ZNF723: variants seen among roughly 807,000 people sequenced by gnomAD.
ZNF723 encodes the protein zinc finger protein 723, pseudogene.
Under a neutral mutation model 9.4 loss-of-function variants are expected in ZNF723, and 5 were observed. The observed-to-expected ratio is 0.53, with a 90% CI of 0.28 to 1.12. The LOEUF is 1.12. ZNF723 is among the 50% of genes most tolerant of loss of function. The probability of loss-of-function intolerance (pLI) is 0.10; values close to 1 mark genes in which losing one functional copy is unlikely to be tolerated. For missense variants in ZNF723, 450 were observed against 501.5 expected (o/e 0.90, Z 0.98); for synonymous variants, 158 against 168.8 (o/e 0.94, Z 0.49).
chr19:22,841,183 T>C (rs888392998), intron 1 of ZNF723, among the ~76,000 whole-genome samples: 4 of 152,248 alleles, frequency 2.6e-5, no homozygotes, highest in African/African-American at 7.2e-5. Flanking sequence ...AGTGGGAGCC[T>C]ACCTTCAGCA....
In ZNF723 at chr19:22,858,427, G is replaced by T; in HGVS notation, c.1536G>T (p.Lys512Asn). ...IHTKEKSQTL[K>N]M The stretch of plus-strand genomic sequence containing the variant: ...CTAAAGAGAAATCACAAACCTTAAA[G>T]ATGTGACAATGCTTTTTATGAAATC... The change falls in exon 4 of 4, where the codon AAG (lysine) becomes AAT (asparagine). Residue 512 changes from lysine to asparagine, a missense_variant. Lys to Asn is a moderately conservative substitution (Grantham distance 94). Coordinates refer to ENST00000600766, the MANE Select transcript of ZNF723 (RefSeq NM_001349726.2). The T allele has an allele frequency of 2.9e-6, 2 of 694,530 alleles. No homozygotes were observed. The highest frequency in any genetic ancestry group is 4.9e-6 in the Non-Finnish European group (2 of 411,774). The allele number at this position is 694,530 out of a possible 1,614,324, so 43.0% of individuals were successfully genotyped here.
At chr19:22,813,257 T>C in the ZNF723 span, among the ~76,000 whole-genome samples, 1 of 152,190 alleles carries the variant, frequency 6.6e-6, no homozygotes, top group Non-Finnish European at 1.5e-5. Context: ...CTCCAAATTG[T>C]CTTGCAGGTG....
chr19:22,854,259 T>C (rs759683136), intron 3 of ZNF723, among the ~76,000 whole-genome samples: 10 of 152,150 alleles, frequency 6.6e-5, no homozygotes, highest in Non-Finnish European at 1.3e-4. Context: ...ATACATTTTA[T>C]AAAATATGAC....
chr19:22,815,221 TTGGGC>T, the ZNF723 span, among the ~76,000 whole-genome samples: 2 of 152,138 alleles, frequency 1.3e-5, no homozygotes, highest in African/African-American at 4.8e-5. Context: ...TGTCATTCCT[TTGGGC>T]TGGGATGCTC....
chr19:22,813,904 C>G, the ZNF723 span, among the ~76,000 whole-genome samples: 2 of 151,686 alleles, frequency 1.3e-5, no homozygotes, highest in Non-Finnish European at 2.9e-5. Flanking sequence ...CTCCAGCTCC[C>G]AGGTTCAAGC....
the ZNF723 span, among the ~76,000 whole-genome samples, chr19:22,812,451 A>G: frequency 6.6e-6 from 1 of 152,184 alleles, no homozygotes; most frequent in African/African-American, 2.4e-5. Flanking sequence ...CCTAGCTCCT[A>G]GGCAGGTGAG....
chr19:22,857,822 A>T lies in ZNF723; in HGVS notation c.931A>T (p.Lys311Ter), dbSNP rs1188484241. Residue 311 changes from lysine to a stop codon, truncating the protein, a stop_gained, in exon 4 of 4, where the codon AAA becomes TAA. Coordinates refer to ENST00000600766, the MANE Select transcript of ZNF723 (RefSeq NM_001349726.2). LOFTEE classifies it low-confidence loss of function (END_TRUNC). The part of the protein sequence containing the change: ...NNHKRIHTGE[K>*]PYKCEECGKA... ...TCATAAGAGAATTCATACTGGAGAGAAACCCTACAAATGTGAAGAATGTGG... is the reference window on the plus strand; with the variant it reads ...TCATAAGAGAATTCATACTGGAGAGTAACCCTACAAATGTGAAGAATGTGG... 7.2e-7 allele frequency: 1 copy of T among 1,392,538 alleles called. No homozygotes were observed. Among genetic ancestry groups the T allele is most frequent in the Admixed American group, 1.7e-5 (1 of 59,748 alleles). 86.3% of individuals were successfully genotyped at this position (1,392,538 alleles called of 1,614,324 possible).
chr19:22,819,361 C>T, the ZNF723 span, among the ~76,000 whole-genome samples: 1 of 152,044 alleles, frequency 6.6e-6, no homozygotes, highest in Non-Finnish European at 1.5e-5. Flanking sequence ...TGGGCCATGC[C>T]CACAAAAGGG....
At chr19:22,848,729 T>TTTTTTTTA (rs1438554768) in intron 2 of ZNF723, among the ~76,000 whole-genome samples, 8 of 143,062 alleles carry the variant, frequency 5.6e-5, no homozygotes, top group African/African-American at 2.1e-4. Flanking sequence ...AGAGAAATTA[T>TTTTTTTTA]TTTATTTATT....
intron 1 of ZNF723, chr19:22,840,768 ATC>A (rs1967233469): frequency 6.6e-6 from 1 of 152,286 alleles, no homozygotes; most frequent in African/African-American, 2.4e-5. Context: ...ACTTAGACCT[ATC>A]TCTATCCGGA....
At chr19:22,820,561 A>G in the ZNF723 span, among the ~76,000 whole-genome samples, 3 of 152,292 alleles carry the variant, frequency 2.0e-5, no homozygotes, top group Non-Finnish European at 1.5e-5. Flanking sequence ...TGTTCAGATC[A>G]TAGATGCAAT....
chr19:22,855,598 C>T (rs963985465), intron 3 of ZNF723, among the ~76,000 whole-genome samples: 1 of 152,142 alleles, frequency 6.6e-6, no homozygotes, highest in Admixed American at 6.5e-5. Flanking sequence ...GTATAGGGCA[C>T]ATGCAGTGCC....
chr19:22,837,912 G>A (rs1228110443), intron 1 of ZNF723, among the ~76,000 whole-genome samples: 1 of 152,108 alleles, frequency 6.6e-6, no homozygotes, highest in Non-Finnish European at 1.5e-5. Flanking sequence ...CCACCAACTT[G>A]GGGTTCTGGG....
intron 3 of ZNF723, among the ~76,000 whole-genome samples, chr19:22,852,243 T>C (rs934389617): frequency 3.3e-5 from 5 of 152,316 alleles, no homozygotes; most frequent in Admixed American, 6.5e-5. Flanking sequence ...TTACATTGCA[T>C]GTTTAGTGTT....
At chr19:22,831,025 A>T (rs1967087799), upstream of ZNF723, among the ~76,000 whole-genome samples, 1 of 152,092 alleles carries the variant, frequency 6.6e-6, no homozygotes. Context: ...GGCCTCCCAG[A>T]GTGCTGGGAT....
At chr19:22,850,736 GTT>G (rs955171936) in intron 3 of ZNF723, among the ~76,000 whole-genome samples, 19 of 152,120 alleles carry the variant, frequency 1.2e-4, no homozygotes, top group Admixed American at 5.9e-4. Flanking sequence ...ACTATTAAGA[GTT>G]TATTATTTTT....
the ZNF723 span, among the ~76,000 whole-genome samples, chr19:22,815,452 C>T: frequency 1.3e-5 from 2 of 152,252 alleles, no homozygotes; most frequent in African/African-American, 4.8e-5. Flanking sequence ...GCTTTGCTGC[C>T]TGTGCTCTGC....
chr19:22,827,201 C>A, the ZNF723 span, among the ~76,000 whole-genome samples: 1 of 151,670 alleles, frequency 6.6e-6, no homozygotes, highest in Non-Finnish European at 1.5e-5. Flanking sequence ...AATAGAATTT[C>A]TTTTGATTAC....
In ZNF723 at chr19:22,854,986, A is replaced by G. The variant is rs140111648; in HGVS notation, c.227-2132A>G. ...CGCTTGAACCCAGAAGGTGGAGGTCACAGTGAGCTGAGATTGTGCCATTGC... is the reference window on the plus strand; with the variant it reads ...CGCTTGAACCCAGAAGGTGGAGGTCGCAGTGAGCTGAGATTGTGCCATTGC... On this transcript the variant is annotated intron_variant, in intron 3 of 3. Transcript: ENST00000600766. 8.2e-3 allele frequency among the ~76,000 whole-genome samples: 1,242 copies of G among 152,188 alleles called. 19 individuals carry two copies. Among genetic ancestry groups the G allele is most frequent in the African/African-American group, 0.029 (1,194 of 41,542 alleles).
Sources: allele counts gnomAD v4.1 joint callset (sites outside exome capture counted in the v4.1 genomes callset), GRCh38; gene constraint gnomAD v4.1.1; transcripts MANE v1.5; gene names NCBI Gene and HGNC (gene_info 2026-07-23, HGNC 2026-07-21).